Variants in FASTKD2 observed in about 807,000 individuals in gnomAD.
FASTKD2 encodes the protein FAST kinase domains 2.
Under a neutral mutation model 63.6 loss-of-function variants are expected in FASTKD2, and 51 were observed. The observed-to-expected ratio is 0.80, with a 90% CI of 0.64 to 1.01. FASTKD2 has a LOEUF of 1.01. Ranked by LOEUF, FASTKD2 falls within the 50% of genes least tolerant of loss-of-function variation. The pLI, the probability that FASTKD2 is intolerant of heterozygous loss-of-function variation, is 0.00. For synonymous variants in FASTKD2, 284 were observed against 293.4 expected (o/e 0.97, Z 0.33); for missense variants, 786 against 831.1 (o/e 0.95, Z 0.67).
In FASTKD2 at chr2:206,767,058, CT is replaced by C; in HGVS notation, c.366del (p.Val123LeufsTer8). 1.2e-6 allele frequency: 2 copies of C among 1,614,042 alleles called. No individual in the cohort carries two copies. Among genetic ancestry groups the C allele is most frequent in the Non-Finnish European group, 1.7e-6 (2 of 1,179,932 alleles). Reference protein sequence around the residue: ...LFFDSKQSLVPVDKSDDELKK... With the variant: ...LFFDSKQSLVXVDKSDDELKK... ...TTTGACTCAAAGCAGTCTCTTGTCC[CT>C]GTTGATAAATCTGATGATGAATTGA... On this transcript the variant is annotated frameshift_variant, in exon 2 of 12. Transcript: ENST00000402774. LOFTEE classifies it high-confidence loss of function.
Position 206,788,160 on chromosome 2 carries a change from G to T in FASTKD2, c.1813+5G>T. On this transcript the variant is annotated splice_donor_5th_base_variant and intron_variant, in intron 9 of 11. Coordinates refer to ENST00000402774, the MANE Select transcript of FASTKD2 (RefSeq NM_001136193.2). ...TGCCACACAATTATCATATTGGTAT[G>T]GGACATTATATGATTTCCTTTCATT... The T allele has an allele frequency of 6.5e-7, 1 of 1,544,302 alleles. No individual in the cohort carries two copies. The highest frequency in any genetic ancestry group is 8.9e-7 in the Non-Finnish European group (1 of 1,125,342).
chr2:206,781,157 C>CT (rs780650504), intron 7 of FASTKD2, among the ~76,000 whole-genome samples: 6 of 152,076 alleles, frequency 3.9e-5, no homozygotes, highest in Non-Finnish European at 7.4e-5. Flanking sequence ...CCCTGATGCT[C>CT]TTTCTTCCTT....
chr2:206,784,494 T>A (rs544513888), intron 7 of FASTKD2, among the ~76,000 whole-genome samples: 251 of 152,362 alleles, frequency 1.6e-3, no homozygotes, highest in Middle Eastern at 3.4e-3. Context: ...ATCCAGAGTA[T>A]CTTGCTGGGC....
In FASTKD2 at chr2:206,792,059, G is replaced by A. The variant is rs569494509; in HGVS notation, c.*257G>A. On this transcript the variant is annotated 3_prime_UTR_variant, in exon 12 of 12. Transcript: ENST00000402774. ...CAGATATTTGATTTGTGAGCTGTAC[G>A]TTTCACCTTTTCATCTTTGATCTAC... is the stretch of plus-strand genomic sequence containing the variant. 2.0e-4 allele frequency: 94 copies of A among 464,294 alleles called. No homozygotes were observed. Among genetic ancestry groups the A allele is most frequent in the South Asian group, 1.0e-3 (47 of 45,862 alleles). The allele number at this position is 464,294 out of a possible 1,614,324, so 28.8% of individuals were successfully genotyped here.
chr2:206,770,976 G>C (rs982586137), intron 3 of FASTKD2, among the ~76,000 whole-genome samples: 2 of 152,024 alleles, frequency 1.3e-5, no homozygotes, highest in Admixed American at 6.6e-5. Context: ...CTTTAGTAAA[G>C]ACAGCACAAT....
At position 206,770,072 on chromosome 2, in the gene FASTKD2, T is replaced by G; in HGVS notation, c.778-19T>G. 6.6e-7 allele frequency: 1 copy of G among 1,508,916 alleles called. No homozygotes were observed. Among genetic ancestry groups the G allele is most frequent in the Non-Finnish European group, 9.2e-7 (1 of 1,084,184 alleles). 93.5% of individuals were successfully genotyped at this position (1,508,916 alleles called of 1,614,324 possible). A position where few individuals can be genotyped will look rare whatever the true frequency, so the allele number is the denominator to read the frequency against. ...ATGGGCTCATCACCTGTAGTGTTTT[T>G]GTAATTATATTTCAATAGGAACGTA... On this transcript the variant is annotated intron_variant, in intron 2 of 11. Transcript: ENST00000402774.
Position 206,767,265 on chromosome 2 carries a change from T to C in FASTKD2, c.572T>C (p.Ile191Thr). 1 of 1,614,206 alleles carries C rather than the reference T, an allele frequency of 6.2e-7. No individual in the cohort carries two copies. Among genetic ancestry groups the C allele is most frequent in the Non-Finnish European group, 8.5e-7 (1 of 1,180,022 alleles). Residue 191 changes from isoleucine to threonine, a missense_variant, in exon 2 of 12, where the codon ATT (isoleucine) becomes ACT (threonine). Ile to Thr is a moderately conservative substitution (Grantham distance 89). Transcript: ENST00000402774. ...AACTATTTCACAGCAATGTGGACAA[T>C]TGCCAAAAGACTGTCTGATGACCAG... Reference protein sequence around the residue: ...SSNYFTAMWTIAKRLSDDQKR... With the variant: ...SSNYFTAMWTTAKRLSDDQKR...
In FASTKD2 at chr2:206,767,259, G is replaced by A; in HGVS notation, c.566G>A (p.Trp189Ter). 6.2e-7 allele frequency: 1 copy of A among 1,614,178 alleles called. No individual in the cohort carries two copies. Among genetic ancestry groups the A allele is most frequent in the Non-Finnish European group, 8.5e-7 (1 of 1,180,006 alleles). ...FPSSNYFTAMWTIAKRLSDDQ... is the reference protein window; with the variant it reads ...FPSSNYFTAM ...AGTAGCAACTATTTCACAGCAATGT[G>A]GACAATTGCCAAAAGACTGTCTGAT... Residue 189 changes from tryptophan to a stop codon, truncating the protein, a stop_gained, in exon 2 of 12, where the codon TGG becomes TAG. Coordinates refer to ENST00000402774, the MANE Select transcript of FASTKD2 (RefSeq NM_001136193.2). LOFTEE classifies it high-confidence loss of function.
At chr2:206,771,148 C>T (rs376799842) in intron 3 of FASTKD2, 34 bp from the exon 4 acceptor site, 6 of 1,259,562 alleles carry the variant, frequency 4.8e-6, no homozygotes, top group Non-Finnish European at 7.0e-6. Context: ...TTTGAAGATT[C>T]TATGATTTTA....
rs1333713969 is a variant in FASTKD2, at chr2:206,791,900, CA to C, written c.*104del. On this transcript the variant is annotated 3_prime_UTR_variant, in exon 12 of 12. Transcript: ENST00000402774. ...AATGGAATTGAGCTATCTGCTAAGA[CA>C]AAAAATGTTACCTCAGTTCACTATT... 1 of 1,097,204 alleles carries C rather than the reference CA, an allele frequency of 9.1e-7. No homozygotes were observed. The highest frequency in any genetic ancestry group is 1.3e-6 in the Non-Finnish European group (1 of 746,504). 68.0% of individuals were successfully genotyped at this position (1,097,204 alleles called of 1,614,324 possible).
At chr2:206,786,229 T>C (rs1482256439) in intron 7 of FASTKD2, among the ~76,000 whole-genome samples, 1 of 152,222 alleles carries the variant, frequency 6.6e-6, no homozygotes, top group Admixed American at 6.5e-5. Context: ...CTGTGTACCA[T>C]TAGCTGTGGG....
At chr2:206,771,155 T>A in intron 3 of FASTKD2, 27 bp from the exon 4 acceptor site, 1 of 1,299,780 alleles carries the variant, frequency 7.7e-7, no homozygotes, top group Non-Finnish European at 1.1e-6. Context: ...ATTCTATGAT[T>A]TTAATATTTA....
In FASTKD2 at chr2:206,794,920, C is replaced by T. The variant is rs988053273; in HGVS notation, c.*3118C>T. Among the ~76,000 whole-genome samples, 4 of 152,178 alleles carry T rather than the reference C, an allele frequency of 2.6e-5. No homozygotes were observed. The highest frequency in any genetic ancestry group is 1.3e-4 in the Admixed American group (2 of 15,282). On this transcript the variant is annotated 3_prime_UTR_variant, in exon 12 of 12. Transcript: ENST00000402774. ...ATTTGGGGCATCTACTTGGAACTAC[C>T]TATGAGGAGCTGGCATTCCTCAAAT... is the stretch of plus-strand genomic sequence containing the variant.
chr2:206,786,484 G>T (rs1272825213), intron 7 of FASTKD2: 4 of 459,002 alleles, frequency 8.7e-6, no homozygotes, highest in Non-Finnish European at 1.6e-5. Context: ...GAGAATAATA[G>T]TAATACCCAT....
chr2:206,776,861 C>T (rs1689837143), intron 7 of FASTKD2, among the ~76,000 whole-genome samples: 1 of 151,958 alleles, frequency 6.6e-6, no homozygotes, highest in Non-Finnish European at 1.5e-5. Flanking sequence ...ATAGTGATTG[C>T]ACTGAATCCG....
At chr2:206,771,148 C>A in intron 3 of FASTKD2, 34 bp from the exon 4 acceptor site, 1 of 1,259,678 alleles carries the variant, frequency 7.9e-7, no homozygotes, top group Non-Finnish European at 1.2e-6. Flanking sequence ...TTTGAAGATT[C>A]TATGATTTTA....
rs1690303398 is a variant in FASTKD2 at position 206,792,177 on chromosome 2, C to G, written c.*375C>G. The G allele has an allele frequency of 3.7e-6, 1 of 272,088 alleles. No homozygotes were observed. Among genetic ancestry groups the G allele is most frequent in the Non-Finnish European group, 7.1e-6 (1 of 140,778 alleles). 16.9% of individuals were successfully genotyped at this position (272,088 alleles called of 1,614,324 possible). On this transcript the variant is annotated 3_prime_UTR_variant, in exon 12 of 12. Coordinates refer to ENST00000402774, the MANE Select transcript of FASTKD2 (RefSeq NM_001136193.2). ...GAATCTGAATATTTATACTCCTGCTCTAAGCTGTTCTAAGACTTGGGGTTA... is the reference window on the plus strand; with the variant it reads ...GAATCTGAATATTTATACTCCTGCTGTAAGCTGTTCTAAGACTTGGGGTTA...
At position 206,774,314 on chromosome 2, in the gene FASTKD2, T is replaced by C; in HGVS notation, c.1344T>C (p.Pro448=). The C allele has an allele frequency of 6.2e-7, 1 of 1,603,764 alleles. No homozygotes were observed. Among genetic ancestry groups the C allele is most frequent in the Non-Finnish European group, 8.5e-7 (1 of 1,171,080 alleles). ...TTATGAAGAGAATAGTAGAGGATCC[T>C]GAATCCCTAAACATGAAAAACATTC... is the stretch of plus-strand genomic sequence containing the variant. ...DLFMKRIVED[P]ESLNMKNILS... The change falls in exon 7 of 12, where the codon CCT becomes CCC. Residue 448 remains proline, a synonymous_variant. Transcript: ENST00000402774.
chr2:206,792,031 G>A lies in FASTKD2; in HGVS notation c.*229G>A. 1 of 521,608 alleles carries A rather than the reference G, an allele frequency of 1.9e-6. No homozygotes were observed. The highest frequency in any genetic ancestry group is 3.4e-6 in the Non-Finnish European group (1 of 290,740). The allele number at this position is 521,608 out of a possible 1,614,324, so 32.3% of individuals were successfully genotyped here. A position where few individuals can be genotyped will look rare whatever the true frequency, so the allele number is the denominator to read the frequency against. On this transcript the variant is annotated 3_prime_UTR_variant, in exon 12 of 12. Coordinates refer to ENST00000402774, the MANE Select transcript of FASTKD2 (RefSeq NM_001136193.2). ...TCCAACCACACCTATTCCCTCTAGTGCCCAGATATTTGATTTGTGAGCTGT... is the reference window on the plus strand; with the variant it reads ...TCCAACCACACCTATTCCCTCTAGTACCCAGATATTTGATTTGTGAGCTGT...
Sources: allele counts gnomAD v4.1 joint callset (sites outside exome capture counted in the v4.1 genomes callset), GRCh38; gene constraint gnomAD v4.1.1; transcripts MANE v1.5; gene names NCBI Gene and HGNC (gene_info 2026-07-23, HGNC 2026-07-21).